COL24A1: variants seen among roughly 807,000 people sequenced by gnomAD.
COL24A1 encodes the protein collagen alpha-1(XXIV) chain.
COL24A1 carries 224 observed loss-of-function variants against 253.9 expected under a neutral mutation model. That is an observed-to-expected ratio of 0.88 (90% CI 0.79 to 0.99). The LOEUF (loss-of-function observed/expected upper bound fraction) is 0.99, where lower values mean the gene tolerates loss of function less well. Among genes scored for constraint, COL24A1 ranks in the 50% least tolerant of loss-of-function variants. COL24A1 has a pLI of 0.00. For missense variants in COL24A1, 2,131 were observed against 2,068.5 expected (o/e 1.03, Z -0.59); for synonymous variants, 685 against 673.7 (o/e 1.02, Z -0.26).
chr1:85,741,532 T>C (rs1189831706), intron 57 of COL24A1, among the ~76,000 whole-genome samples: 10 of 152,194 alleles, frequency 6.6e-5, no homozygotes, highest in African/African-American at 2.4e-4. Context: ...TCTTTACTAC[T>C]AGAATGCAGG....
At chr1:85,762,695 G>A (rs1156885526) in intron 53 of COL24A1, among the ~76,000 whole-genome samples, 1 of 152,138 alleles carries the variant, frequency 6.6e-6, no homozygotes, top group African/African-American at 2.4e-5. Flanking sequence ...AAGTGAAATT[G>A]GTTATGTCCG....
At chr1:85,933,074 A>G (rs1687914289) in intron 24 of COL24A1, among the ~76,000 whole-genome samples, 1 of 130,166 alleles carries the variant, frequency 7.7e-6, no homozygotes, top group Admixed American at 7.7e-5. Flanking sequence ...GTACCCTAAA[A>G]CTTAGAGTAT....
chr1:85,775,736 T>A lies in COL24A1; in HGVS notation c.4339-27A>T, dbSNP rs756767744. The A allele has an allele frequency of 1.9e-6, 3 of 1,577,582 alleles. No homozygotes were observed. The South Asian group carries it at 3.4e-5, about 18-fold the overall frequency. On this transcript the variant is annotated intron_variant, in intron 52 of 59. Coordinates refer to ENST00000370571, the MANE Select transcript of COL24A1 (RefSeq NM_152890.7). Reference sequence around the variant, plus strand: ...TAAAAGAAAAAAAAAAGATGTTAGTTCATTGTTATTGATAGTTACGTATTA... The same window carrying A: ...TAAAAGAAAAAAAAAAGATGTTAGTACATTGTTATTGATAGTTACGTATTA...
At chr1:86,055,953 A>G (rs926867453) in intron 10 of COL24A1, among the ~76,000 whole-genome samples, 1 of 151,904 alleles carries the variant, frequency 6.6e-6, no homozygotes, top group African/African-American at 2.4e-5. Flanking sequence ...CCCCATCTCT[A>G]CTAAAAATAC....
intron 47 of COL24A1, among the ~76,000 whole-genome samples, chr1:85,792,723 A>G (rs1670422704): frequency 6.6e-6 from 1 of 151,874 alleles, no homozygotes; most frequent in African/African-American, 2.4e-5. Context: ...TAAACAAATA[A>G]ATTAATAAGA....
Position 85,875,287 on chromosome 1 carries a change from G to C in COL24A1, c.3074C>G (p.Pro1025Arg), listed in dbSNP as rs201495212. The C allele has an allele frequency of 6.2e-7, 1 of 1,613,596 alleles. No individual in the cohort carries two copies. The highest frequency in any genetic ancestry group is 8.5e-7 in the Non-Finnish European group (1 of 1,179,666). The stretch of plus-strand genomic sequence containing the variant: ...TTTTTAGAAGGTTACCTTTGCACCT[G>C]GTTCACCTTGCAGACCAGACTCTCC... ...TEGESGLQGEPGAKGDVGTAG... is the reference protein window; with the variant it reads ...TEGESGLQGERGAKGDVGTAG... Residue 1025 changes from proline to arginine, a missense_variant, in exon 34 of 60, where the codon CCA becomes CGA. Transcript: ENST00000370571.
At chr1:86,134,931 C>G (rs1201827527) in intron 2 of COL24A1, among the ~76,000 whole-genome samples, 2 of 151,392 alleles carry the variant, frequency 1.3e-5, no homozygotes, top group Admixed American at 6.6e-5. Context: ...GTGGATCTGT[C>G]TAATGCTGAC....
intron 23 of COL24A1, among the ~76,000 whole-genome samples, chr1:85,964,454 C>A (rs539846237): frequency 1.3e-5 from 2 of 152,196 alleles, no homozygotes; most frequent in African/African-American, 4.8e-5. Context: ...GAAACTTGCA[C>A]ATTTCTACCC....
intron 7 of COL24A1, among the ~76,000 whole-genome samples, chr1:86,075,720 G>A: frequency 6.6e-6 from 1 of 152,086 alleles, no homozygotes; most frequent in East Asian, 1.9e-4. Flanking sequence ...TCATCCCTAG[G>A]ATGCAAGACT....
intron 44 of COL24A1, 30 bp downstream of exon 44, chr1:85,823,655 A>G: frequency 1.2e-6 from 2 of 1,613,470 alleles, no homozygotes; most frequent in Non-Finnish European, 1.7e-6. Context: ...ATTAATGTTA[A>G]TTTTTAGAAA....
At position 85,987,630 on chromosome 1, in the gene COL24A1, G is replaced by A; in HGVS notation, c.2335C>T (p.Pro779Ser). 6.2e-7 allele frequency: 1 copy of A among 1,610,254 alleles called. No individual in the cohort carries two copies. Among genetic ancestry groups the A allele is most frequent in the South Asian group, 1.1e-5 (1 of 90,652 alleles). ...PEGFPGDIGIPGQNGPEGPKG... is the reference protein window; with the variant it reads ...PEGFPGDIGISGQNGPEGPKG... ...GGTCCTTCAGGGCCGTTTTGTCCAG[G>A]AATCCCAATATCTCCTGGAAAACCC... Residue 779 changes from proline (P) to serine (S), a missense_variant, in exon 20 of 60, where the codon CCT becomes TCT. Coordinates refer to ENST00000370571, the MANE Select transcript of COL24A1 (RefSeq NM_152890.7).
chr1:85,947,003 A>G (rs1689386263), intron 24 of COL24A1, among the ~76,000 whole-genome samples: 1 of 152,230 alleles, frequency 6.6e-6, no homozygotes, highest in Admixed American at 6.5e-5. Flanking sequence ...CTGAGTTTCG[A>G]AACCTTAGGA....
chr1:85,805,802 G>A (rs78868751), intron 47 of COL24A1, among the ~76,000 whole-genome samples: 3,107 of 152,248 alleles, frequency 0.02, 98 homozygotes, highest in African/African-American at 0.072. Context: ...TAGGCCGGGC[G>A]CGGTGGCTCA....
chr1:85,925,405 C>G (rs1303974871), intron 24 of COL24A1, among the ~76,000 whole-genome samples: 1 of 152,168 alleles, frequency 6.6e-6, no homozygotes, highest in Non-Finnish European at 1.5e-5. Context: ...AGGCATCACA[C>G]TACCTGACTT....
At chr1:85,859,874 T>A (rs112708482) in intron 37 of COL24A1, among the ~76,000 whole-genome samples, 2 of 152,138 alleles carry the variant, frequency 1.3e-5, no homozygotes, top group Non-Finnish European at 2.9e-5. Flanking sequence ...TCCCAGCTAT[T>A]TGGGAGGCTG....
intron 28 of COL24A1, among the ~76,000 whole-genome samples, chr1:85,898,405 C>T (rs1683965124): frequency 1.3e-5 from 2 of 152,208 alleles, no homozygotes; most frequent in African/African-American, 4.8e-5. Context: ...TTGGACAGAA[C>T]ACACACTTCA....
At position 85,847,772 on chromosome 1, in the gene COL24A1, C is replaced by T; in HGVS notation, c.3355G>A (p.Gly1119Ser). The T allele has an allele frequency of 1.2e-6, 2 of 1,604,706 alleles. No homozygotes were observed. The highest frequency in any genetic ancestry group is 1.7e-6 in the Non-Finnish European group (2 of 1,172,096). Residue 1119 changes from glycine to serine, a missense_variant and splice_region_variant, in exon 39 of 60, where the codon GGT becomes AGT. Gly to Ser is a moderately conservative substitution (Grantham distance 56). Coordinates refer to ENST00000370571, the MANE Select transcript of COL24A1 (RefSeq NM_152890.7). ...PGQRGRPGKK[G>S]DKGQIGPTGE... is the part of the protein sequence containing the mutation. ...GTGGGTCCTATTTGTCCTTTATCAC[C>T]CTGTGGATGACATTATTAAGAGAGA...
chr1:85,979,868 G>T (rs1250694802), intron 20 of COL24A1, among the ~76,000 whole-genome samples: 1 of 152,028 alleles, frequency 6.6e-6, no homozygotes, highest in Non-Finnish European at 1.5e-5. Flanking sequence ...CCAAAACCAG[G>T]AAAGGACATA....
At chr1:85,881,324 T>A (rs1452939257) in intron 32 of COL24A1, among the ~76,000 whole-genome samples, 2 of 152,190 alleles carry the variant, frequency 1.3e-5, no homozygotes, top group Non-Finnish European at 2.9e-5. Context: ...GTAAAATACG[T>A]CTTTTAAGGA....
Sources: gnomAD v4.1 joint callset for allele counts (sites outside exome capture counted in the v4.1 genomes callset) on GRCh38, gnomAD v4.1.1 for gene constraint, MANE v1.5 for transcripts, NCBI Gene and HGNC (gene_info 2026-07-23, HGNC 2026-07-21) for gene names.